CRIM1: variants seen among roughly 807,000 people sequenced by gnomAD.
CRIM1 encodes cysteine rich transmembrane BMP regulator 1, also known as cysteine-rich motor neuron 1 protein.
Under a neutral mutation model 116.4 loss-of-function variants are expected in CRIM1, and 32 were observed. The observed-to-expected ratio is 0.27, with a 90% CI of 0.21 to 0.37. The LOEUF (loss-of-function observed/expected upper bound fraction) is 0.37. Ranked by LOEUF, CRIM1 falls within the 10% of genes least tolerant of loss-of-function variation. CRIM1 has a pLI of 1.00. For missense variants in CRIM1, 1,331 were observed against 1,354.8 expected (o/e 0.98, Z 0.28); for synonymous variants, 590 against 509.2 (o/e 1.16, Z -2.13).
At chr2:36,380,043 T>C (rs3755221) in intron 1 of CRIM1, among the ~76,000 whole-genome samples, 62,934 of 152,006 alleles carry the variant, frequency 0.41, 13,512 homozygotes, top group South Asian at 0.55. Flanking sequence ...ATGCTTCTTA[T>C]GACTCTGATG....
intron 5 of CRIM1, among the ~76,000 whole-genome samples, chr2:36,467,155 A>G (rs578007839): frequency 1.9e-4 from 29 of 152,332 alleles, no homozygotes; most frequent in Middle Eastern, 3.4e-3. Flanking sequence ...GACAAAACAC[A>G]GTCACTACAT....
At chr2:36,475,561 G>A (rs978954077) in intron 5 of CRIM1, among the ~76,000 whole-genome samples, 1 of 152,114 alleles carries the variant, frequency 6.6e-6, no homozygotes, top group African/African-American at 2.4e-5. Context: ...CAATCTGGAT[G>A]CTTTTAATTT....
intron 15 of CRIM1, 60 bp downstream of exon 15, chr2:36,544,558 C>A (rs2276671): frequency 0.27 from 352,531 of 1,307,102 alleles, 49,089 homozygotes; most frequent in South Asian, 0.41. Flanking sequence ...TAGGTGTTTT[C>A]TAATTTTTAA....
At chr2:36,438,419 A>T (rs945556812) in intron 2 of CRIM1, among the ~76,000 whole-genome samples, 1 of 152,210 alleles carries the variant, frequency 6.6e-6, no homozygotes, top group East Asian at 1.9e-4. Flanking sequence ...ACAAACTCCA[A>T]CTTAATCTGC....
intron 2 of CRIM1, among the ~76,000 whole-genome samples, chr2:36,403,350 A>G (rs186870461): frequency 5.4e-4 from 83 of 152,322 alleles, no homozygotes; most frequent in African/African-American, 1.7e-3. Context: ...TATTTCCTCT[A>G]TATAGAGAAA....
intron 2 of CRIM1, among the ~76,000 whole-genome samples, chr2:36,401,438 G>C (rs573552412): frequency 1.1e-4 from 17 of 152,144 alleles, no homozygotes; most frequent in African/African-American, 3.6e-4. Flanking sequence ...TTATGCTTCC[G>C]TGCCTTACTA....
chr2:36,544,434 G>A lies in CRIM1; in HGVS notation c.2682G>A (p.Glu894=), dbSNP rs376835773. 22 of 1,428,964 alleles carry A rather than the reference G, an allele frequency of 1.5e-5. No individual in the cohort carries two copies. Among genetic ancestry groups the A allele is most frequent in the Non-Finnish European group, 2.0e-5 (22 of 1,085,346 alleles). 88.5% of individuals were successfully genotyped at this position (1,428,964 alleles called of 1,614,324 possible). The change falls in exon 15 of 17, where the codon GAG becomes GAA. Residue 894 remains glutamate, a synonymous_variant. Coordinates refer to ENST00000280527, the MANE Select transcript of CRIM1 (RefSeq NM_016441.3). The part of the protein sequence containing the change: ...IPIEKTNHRG[E]VDLEVPLWPT... ...TTGAGAAGACAAACCATCGAGGAGAGGTTGACCTGGAGGTTCCCCTGTGGC... is the reference window on the plus strand; with the variant it reads ...TTGAGAAGACAAACCATCGAGGAGAAGTTGACCTGGAGGTTCCCCTGTGGC...
rs537706674 is a variant in CRIM1 at position 36,398,928 on chromosome 2, C to T, written c.505+2141C>T. 1.6e-4 allele frequency among the ~76,000 whole-genome samples: 25 copies of T among 152,142 alleles called. No individual in the cohort carries two copies. The South Asian group carries it at 3.7e-3, about 23-fold the overall frequency. ...CTTGGAATGCTATAGGACCTCAATG[C>T]CAAGAAAGTATGATTTGGAATTGTG... On this transcript the variant is annotated intron_variant, in intron 2 of 16. Transcript: ENST00000280527.
At chr2:36,408,020 C>A (rs1672940652) in intron 2 of CRIM1, among the ~76,000 whole-genome samples, 1 of 152,114 alleles carries the variant, frequency 6.6e-6, no homozygotes, top group South Asian at 2.1e-4. Flanking sequence ...TGTCCTCTTT[C>A]CATACCTAAT....
At chr2:36,467,865 C>G (rs535010988) in intron 5 of CRIM1, among the ~76,000 whole-genome samples, 1 of 152,252 alleles carries the variant, frequency 6.6e-6, no homozygotes, top group Non-Finnish European at 1.5e-5. Context: ...AACTGTCTCT[C>G]TAATAGAGAT....
intron 2 of CRIM1, 94 bp downstream of exon 2, chr2:36,396,881 A>G: frequency 9.3e-7 from 1 of 1,074,004 alleles, no homozygotes; most frequent in South Asian, 1.7e-5. Context: ...AGGCAAAGAC[A>G]AGTTTACAGA....
At chr2:36,458,107 C>A (rs942614870) in intron 4 of CRIM1, among the ~76,000 whole-genome samples, 1 of 152,186 alleles carries the variant, frequency 6.6e-6, no homozygotes, top group Non-Finnish European at 1.5e-5. Flanking sequence ...TGAAAGAAAT[C>A]TTTTCCAGAA....
rs144566423 is a variant in CRIM1 at position 36,389,972 on chromosome 2, G to A, written c.332-6642G>A. On this transcript the variant is annotated intron_variant, in intron 1 of 16. Transcript: ENST00000280527. ...TATGCCTCCACACATCTTGTAAGAG[G>A]CCTCATGCTTCATATCCTTCTCAGT... is the stretch of plus-strand genomic sequence containing the variant. Among the ~76,000 whole-genome samples the A allele has an allele frequency of 3.0e-3, 454 of 152,078 alleles. 1 individual carries two copies. The highest frequency in any genetic ancestry group is 0.01 in the African/African-American group (427 of 41,482).
At chr2:36,436,711 TACAC>T (rs1675341241) in intron 2 of CRIM1, among the ~76,000 whole-genome samples, 1 of 152,258 alleles carries the variant, frequency 6.6e-6, no homozygotes, top group East Asian at 1.9e-4. Context: ...CACACATACA[TACAC>T]ACACGTGCTA....
intron 1 of CRIM1, among the ~76,000 whole-genome samples, chr2:36,379,506 C>T (rs764167129): frequency 6.6e-6 from 1 of 152,174 alleles, no homozygotes; most frequent in Non-Finnish European, 1.5e-5. Context: ...AACAGTGCGG[C>T]CTTCCCAAAG....
intron 9 of CRIM1, among the ~76,000 whole-genome samples, chr2:36,511,250 T>C (rs1466831046): frequency 6.6e-6 from 1 of 152,200 alleles, no homozygotes; most frequent in Admixed American, 6.5e-5. Context: ...CTAGTGCTAG[T>C]AATTATAAGG....
At chr2:36,365,124 G>C (rs1330791983) in intron 1 of CRIM1, among the ~76,000 whole-genome samples, 1 of 152,100 alleles carries the variant, frequency 6.6e-6, no homozygotes, top group Non-Finnish European at 1.5e-5. Context: ...GGAATACAGG[G>C]TCTATGCACC....
chr2:36,420,079 A>G (rs1431583309), intron 2 of CRIM1, among the ~76,000 whole-genome samples: 4 of 152,066 alleles, frequency 2.6e-5, no homozygotes, highest in African/African-American at 9.7e-5. Flanking sequence ...ACTCAGGTGT[A>G]TTTATTTCCC....
chr2:36,523,502 C>G (rs1665555465), intron 13 of CRIM1, among the ~76,000 whole-genome samples: 1 of 152,192 alleles, frequency 6.6e-6, no homozygotes, highest in African/African-American at 2.4e-5. Flanking sequence ...AAAGGTGAGA[C>G]AGCTGGCAGT....
Sources: allele counts gnomAD v4.1 joint callset (sites outside exome capture counted in the v4.1 genomes callset), GRCh38; gene constraint gnomAD v4.1.1; transcripts MANE v1.5; gene names NCBI Gene and HGNC (gene_info 2026-07-23, HGNC 2026-07-21).